CYP3A7: variants seen among roughly 807,000 people sequenced by gnomAD.
CYP3A7 encodes the protein cytochrome P450 3A7.
In CYP3A7, 45 loss-of-function variants were observed where a neutral mutation model predicts 55.2. That is an observed-to-expected ratio of 0.82 (90% CI 0.64 to 1.05). The LOEUF is 1.05. Ranked by LOEUF, CYP3A7 falls within the 50% of genes least tolerant of loss-of-function variation. The pLI is 0.00. For synonymous variants in CYP3A7, 180 were observed against 207.4 expected, an observed-to-expected ratio of 0.87 and a Z score of 1.13; for missense variants, 548 against 605.3, an observed-to-expected ratio of 0.91 and a Z score of 0.99.
At chr7:99,707,316 G>A (rs1417955675) in intron 12 of CYP3A7, among the ~76,000 whole-genome samples, 1 of 152,126 alleles carries the variant, frequency 6.6e-6, no homozygotes, top group Non-Finnish European at 1.5e-5. Context: ...AGCTTTTAAA[G>A]CCACACTCTG....
At chr7:99,710,253 A>G (rs1455993612) in intron 10 of CYP3A7, among the ~76,000 whole-genome samples, 1 of 152,208 alleles carries the variant, frequency 6.6e-6, no homozygotes, top group Non-Finnish European at 1.5e-5. Flanking sequence ...TTAGCTCAGA[A>G]GTCAGATACC....
intron 2 of CYP3A7, among the ~76,000 whole-genome samples, chr7:99,729,347 T>A (rs1385770962): frequency 6.6e-6 from 1 of 152,192 alleles, no homozygotes; most frequent in Non-Finnish European, 1.5e-5. Flanking sequence ...TAACTCATTA[T>A]AAAATTTTCT....
chr7:99,706,077 C>T (rs1414121650), intron 12 of CYP3A7, among the ~76,000 whole-genome samples: 1 of 152,168 alleles, frequency 6.6e-6, no homozygotes, highest in Non-Finnish European at 1.5e-5. Context: ...CTCAATTGAA[C>T]CCATCTAGTG....
chr7:99,713,277 C>G (rs564883752), intron 9 of CYP3A7, among the ~76,000 whole-genome samples, 192 bp downstream of exon 9: 4 of 152,272 alleles, frequency 2.6e-5, no homozygotes, highest in Admixed American at 2.6e-4. Context: ...GCCCTTTAAG[C>G]TTAGAACATG....
chr7:99,720,188 A>G lies in CYP3A7; in HGVS notation c.318+125T>C, dbSNP rs571062850. 33 of 1,168,230 alleles carry G rather than the reference A, an allele frequency of 2.8e-5. No homozygotes were observed. The South Asian group carries it at 3.9e-4, about 14-fold the overall frequency. 72.4% of individuals were successfully genotyped at this position (1,168,230 alleles called of 1,614,324 possible). On this transcript the variant is annotated intron_variant, in intron 4 of 12. Coordinates refer to ENST00000336374, the MANE Select transcript of CYP3A7 (RefSeq NM_000765.5). ...CAAGATGTTACCATGGGGGATGGGC[A>G]GGATGAAGTGTACATGGAACCTTCC... is the stretch of plus-strand genomic sequence containing the variant.
chr7:99,726,816 G>A (rs1305514754), intron 2 of CYP3A7, among the ~76,000 whole-genome samples: 6 of 152,090 alleles, frequency 3.9e-5, no homozygotes, highest in Non-Finnish European at 7.4e-5. Flanking sequence ...AGGATATCGG[G>A]TATCCCCCTC....
chr7:99,732,233 C>G (rs748945501), intron 1 of CYP3A7, among the ~76,000 whole-genome samples: 1 of 152,152 alleles, frequency 6.6e-6, no homozygotes, highest in Non-Finnish European at 1.5e-5. Flanking sequence ...TGCTTCTGCT[C>G]CAGTCATGTA....
chr7:99,709,774 ATG>A (rs139790428), intron 10 of CYP3A7, among the ~76,000 whole-genome samples: 17 of 150,168 alleles, frequency 1.1e-4, no homozygotes, highest in Non-Finnish European at 1.5e-4. Flanking sequence ...TATTATATAT[ATG>A]TGTGTGTGTG....
chr7:99,720,447 C>T, intron 3 of CYP3A7, 35 bp from the exon 4 acceptor site: 1 of 1,611,112 alleles, frequency 6.2e-7, no homozygotes, highest in Non-Finnish European at 8.5e-7. Flanking sequence ...TAAACATCAA[C>T]AGCCTTATGC....
Position 99,720,608 on chromosome 7 carries a change from A to T in CYP3A7, c.219-196T>A, listed in dbSNP as rs1007932718. On this transcript the variant is annotated intron_variant, in intron 3 of 12. Transcript: ENST00000336374. ...CAGGAGCCATCCAAGTCTTCATACGATGAAGGGTAATGTGGGCCAAACAGG... is the reference window on the plus strand; with the variant it reads ...CAGGAGCCATCCAAGTCTTCATACGTTGAAGGGTAATGTGGGCCAAACAGG... 1.3e-5 allele frequency: 7 copies of T among 553,538 alleles called. No individual in the cohort carries two copies. In the Admixed American group the frequency reaches 1.8e-4, roughly 14 times the overall value. The allele number at this position is 553,538 out of a possible 1,614,324, so 34.3% of individuals were successfully genotyped here.
chr7:99,706,418 A>G (rs1340882664), intron 12 of CYP3A7, among the ~76,000 whole-genome samples: 3 of 152,222 alleles, frequency 2.0e-5, no homozygotes, highest in Non-Finnish European at 4.4e-5. Flanking sequence ...GGATAGCTAC[A>G]TAGCTGGCCT....
chr7:99,731,164 A>G lies in CYP3A7; in HGVS notation c.72-12T>C, dbSNP rs747253721. On this transcript the variant is annotated splice_polypyrimidine_tract_variant and intron_variant, in intron 1 of 12. Coordinates refer to ENST00000336374, the MANE Select transcript of CYP3A7 (RefSeq NM_000765.5). The stretch of plus-strand genomic sequence containing the variant: ...TACGGGTTCCATATCTACAAAGTGA[A>G]ACAAAAATCAGGTCTCAGGGATTGT... The G allele has an allele frequency of 6.2e-7, 1 of 1,613,720 alleles. No homozygotes were observed. The highest frequency in any genetic ancestry group is 1.1e-5 in the South Asian group (1 of 91,074).
rs1434706101 is a variant in CYP3A7, at chr7:99,709,157, G to A, written c.1131C>T (p.Cys377=). 6.2e-7 allele frequency: 1 copy of A among 1,613,864 alleles called. No homozygotes were observed. The highest frequency in any genetic ancestry group is 1.3e-5 in the African/African-American group (1 of 74,982). Residue 377 remains cysteine (C), a synonymous_variant, in exon 11 of 13, where the codon TGC becomes TGT. Coordinates refer to ENST00000336374, the MANE Select transcript of CYP3A7 (RefSeq NM_000765.5). ...TCCCATTGATTTCAACATCTTTTTT[G>A]CAGACCCTCTCAAGTCTCATAGCAA... is the stretch of plus-strand genomic sequence containing the variant. ...FPVAMRLERV[C]KKDVEINGMF...
chr7:99,715,621 G>A, intron 7 of CYP3A7, 137 bp downstream of exon 7: 3 of 1,449,890 alleles, frequency 2.1e-6, no homozygotes, highest in African/African-American at 2.8e-5. Context: ...AATGGTGATG[G>A]TCGTACATAT....
At position 99,710,872 on chromosome 7, in the gene CYP3A7, T is replaced by C. The variant is rs1200476864; in HGVS notation, c.886A>G (p.Met296Val). The change falls in exon 10 of 13, where the codon ATG becomes GTG. Residue 296 changes from methionine to valine, a missense_variant. By Grantham distance (21) the Met-to-Val change is conservative. Transcript: ENST00000336374. Reference sequence around the variant, plus strand: ...AAAATAAAGATAATTGATTGGGCCATGAGCTCCAGATCAGACAGAGCTGAA... The same window carrying C: ...AAAATAAAGATAATTGATTGGGCCACGAGCTCCAGATCAGACAGAGCTGAA... The part of the protein sequence containing the change: ...THKALSDLEL[M>V]AQSIIFIFAG... 6.8e-6 allele frequency: 11 copies of C among 1,613,758 alleles called. No homozygotes were observed. The South Asian group carries it at 8.8e-5, about 13-fold the overall frequency.
chr7:99,724,697 T>A (rs2740560), intron 2 of CYP3A7, among the ~76,000 whole-genome samples: 115,754 of 151,912 alleles, frequency 0.76, 47,073 homozygotes, highest in Non-Finnish European at 0.91. Flanking sequence ...AGACTAGCCC[T>A]CCTCCACCTG....
chr7:99,724,688 G>C (rs1454559622), intron 2 of CYP3A7, among the ~76,000 whole-genome samples: 2 of 151,968 alleles, frequency 1.3e-5, no homozygotes, highest in Non-Finnish European at 2.9e-5. Flanking sequence ...TTCATTCCGA[G>C]ACTAGCCCTC....
rs1813921745 is a variant in CYP3A7 at position 99,715,803 on chromosome 7, T to A, written c.625A>T (p.Lys209Ter). The stretch of plus-strand genomic sequence containing the variant: ...TCTAATGGATTAAATCTTAAAAGCT[T>A]CTTGGTGTTTTCCACAAAGGGGTCT... Reference protein sequence around the residue: ...PQDPFVENTKKLLRFNPLDPF... With the variant: ...PQDPFVENTK The change falls in exon 7 of 13, where the codon AAG becomes TAG. Residue 209 changes from lysine to a stop codon, truncating the protein, a stop_gained. Transcript: ENST00000336374. LOFTEE classifies it high-confidence loss of function. 1 of 1,613,798 alleles carries A rather than the reference T, an allele frequency of 6.2e-7. No individual in the cohort carries two copies. Among genetic ancestry groups the A allele is most frequent in the Non-Finnish European group, 8.5e-7 (1 of 1,179,840 alleles).
intron 7 of CYP3A7, 199 bp downstream of exon 7, chr7:99,715,559 T>C (rs1813909985): frequency 1.1e-6 from 1 of 907,006 alleles, no homozygotes; most frequent in Non-Finnish European, 1.6e-6. Flanking sequence ...AGGGGGTTGA[T>C]AGCTAAACAT....
Sources: gnomAD v4.1 joint callset for allele counts (sites outside exome capture counted in the v4.1 genomes callset) on GRCh38, gnomAD v4.1.1 for gene constraint, MANE v1.5 for transcripts, NCBI Gene and HGNC (gene_info 2026-07-23, HGNC 2026-07-21) for gene names.